PEX3: variants seen among roughly 807,000 people sequenced by gnomAD.
The protein encoded by PEX3 is peroxin-3.
A neutral mutation model predicts 55.8 loss-of-function variants in PEX3; 30 were observed. That is an observed-to-expected ratio of 0.54 (90% CI 0.40 to 0.73). The LOEUF is 0.73. Ranked by LOEUF, PEX3 falls within the 30% of genes least tolerant of loss-of-function variation. PEX3 has a pLI of 0.00. For missense variants in PEX3, 351 were observed against 432.8 expected, an observed-to-expected ratio of 0.81 and a Z score of 1.68; for synonymous variants, 135 against 148.4, an observed-to-expected ratio of 0.91 and a Z score of 0.66.
intron 10 of PEX3, among the ~76,000 whole-genome samples, chr6:143,484,312 C>T (rs1163741221): frequency 6.6e-6 from 1 of 151,956 alleles, no homozygotes; most frequent in African/African-American, 2.4e-5. Flanking sequence ...TAATGCTCAG[C>T]TTGGAATCTG....
chr6:143,451,195 G>A lies in PEX3; in HGVS notation c.73+80G>A, dbSNP rs970604716. On this transcript the variant is annotated intron_variant, in intron 1 of 11. Coordinates refer to ENST00000367591, the MANE Select transcript of PEX3 (RefSeq NM_003630.3). This position sits in a 1 kb window ranked among gnomAD's most constrained non-coding sequence, Gnocchi z 4.1. ...ACTTCTTCTAAAATAAGGACAGGCC[G>A]GGCGATCCTAGTCTGGGATATGTAG... The A allele has an allele frequency of 9.8e-7, 1 of 1,017,152 alleles. No homozygotes were observed. Among genetic ancestry groups the A allele is most frequent in the Non-Finnish European group, 1.6e-6 (1 of 640,310 alleles). The allele number at this position is 1,017,152 out of a possible 1,614,324, so 63.0% of individuals were successfully genotyped here.
intron 8 of PEX3, among the ~76,000 whole-genome samples, chr6:143,474,122 C>A (rs1233147137): frequency 1.3e-5 from 2 of 151,658 alleles, no homozygotes; most frequent in Non-Finnish European, 1.5e-5. Flanking sequence ...CAGAGTGAGA[C>A]CCTTTCTCAA....
chr6:143,469,486 G>A (rs1378665464), intron 4 of PEX3, among the ~76,000 whole-genome samples: 1 of 152,212 alleles, frequency 6.6e-6, no homozygotes, highest in African/African-American at 2.4e-5. Flanking sequence ...TTTGAGAAGT[G>A]TCTGTTCATA....
rs1006473339 is a variant in PEX3 at position 143,451,416 on chromosome 6, C to G, written c.73+301C>G. Reference sequence around the variant, plus strand: ...AGTTTCTGTTTCAAGGCACCATTCTCTTACAGGAACTTTTTAAAAAAAATT... The same window carrying G: ...AGTTTCTGTTTCAAGGCACCATTCTGTTACAGGAACTTTTTAAAAAAAATT... On this transcript the variant is annotated intron_variant, in intron 1 of 11. Transcript: ENST00000367591. This position sits in a 1 kb window ranked among gnomAD's most constrained non-coding sequence, Gnocchi z 4.1. 6.6e-6 allele frequency among the ~76,000 whole-genome samples: 1 copy of G among 152,146 alleles called. No homozygotes were observed. The highest frequency in any genetic ancestry group is 1.5e-5 in the Non-Finnish European group (1 of 68,026).
intron 8 of PEX3, among the ~76,000 whole-genome samples, chr6:143,473,956 A>G (rs957296370): frequency 2.5e-4 from 36 of 144,564 alleles, no homozygotes; most frequent in African/African-American, 7.5e-4. Flanking sequence ...ACAAGACCCT[A>G]CCCCTACAAA....
At chr6:143,478,622 G>A (rs905670157) in intron 9 of PEX3, among the ~76,000 whole-genome samples, 6 of 151,984 alleles carry the variant, frequency 3.9e-5, no homozygotes, top group Admixed American at 1.3e-4. Flanking sequence ...AAAAAACCCC[G>A]GTCTCATGTT....
intron 10 of PEX3, chr6:143,484,928 T>C: frequency 2.0e-6 from 1 of 507,546 alleles, no homozygotes; most frequent in Non-Finnish European, 3.6e-6. Context: ...AGGTTTTTGG[T>C]AGACACAAAA....
chr6:143,484,173 G>C (rs1010617044), intron 10 of PEX3, among the ~76,000 whole-genome samples: 7 of 152,058 alleles, frequency 4.6e-5, no homozygotes, highest in Non-Finnish European at 8.8e-5. Context: ...ACGCAAAAAT[G>C]AGTCTTGTTG....
rs757747422 is a variant in PEX3, at chr6:143,459,290, A to C, written c.205+74A>C. ...ATTAATTTGCATATCACCGGGATCA[A>C]ATTTAGAGGAAAAGGCAAAGAAAAG... On this transcript the variant is annotated intron_variant, in intron 2 of 11. Transcript: ENST00000367591. The surrounding 1 kb of genome is among the most constrained non-coding windows in gnomAD (Gnocchi z 4.2). The C allele has an allele frequency of 9.8e-5, 126 of 1,284,532 alleles. No individual in the cohort carries two copies. Among genetic ancestry groups the C allele is most frequent in the Non-Finnish European group, 1.4e-4 (125 of 883,008 alleles). The allele number at this position is 1,284,532 out of a possible 1,614,324, so 79.6% of individuals were successfully genotyped here. A position where few individuals can be genotyped will look rare whatever the true frequency, so the allele number is the denominator to read the frequency against.
chr6:143,454,112 A>G lies in PEX3; in HGVS notation c.73+2997A>G, dbSNP rs1424922. On this transcript the variant is annotated intron_variant, in intron 1 of 11. Coordinates refer to ENST00000367591, the MANE Select transcript of PEX3 (RefSeq NM_003630.3). The surrounding 1 kb of genome is among the most constrained non-coding windows in gnomAD (Gnocchi z 4.3). ...CATTTTCAAAAAATTAATGAGTGTC[A>G]TTGTTTTACATTTTGCAAATCTTTT... 0.32 allele frequency among the ~76,000 whole-genome samples: 47,894 copies of G among 152,008 alleles called. 8,593 individuals carry two copies. The highest frequency in any genetic ancestry group is 0.49 in the African/African-American group (20,424 of 41,424).
rs1780352987 is a variant in PEX3 at position 143,489,043 on chromosome 6, C to A, written c.1039-100C>A. On this transcript the variant is annotated intron_variant, in intron 11 of 11. Coordinates refer to ENST00000367591, the MANE Select transcript of PEX3 (RefSeq NM_003630.3). This position sits in a 1 kb window ranked among gnomAD's most constrained non-coding sequence, Gnocchi z 5.5. The stretch of plus-strand genomic sequence containing the variant: ...TAAATGGTTTGCCTCTTGGCCTTTA[C>A]CACAAAACTTAGAGCTGAATTCATC... 2 of 813,982 alleles carry A rather than the reference C, an allele frequency of 2.5e-6. No individual in the cohort carries two copies. Among genetic ancestry groups the A allele is most frequent in the South Asian group, 2.8e-5 (2 of 71,942 alleles). The allele number at this position is 813,982 out of a possible 1,614,324, so 50.4% of individuals were successfully genotyped here.
In PEX3 at chr6:143,486,159, T is replaced by G. The variant is rs1232590877; in HGVS notation, c.1038+911T>G. Among the ~76,000 whole-genome samples, 1 of 152,176 alleles carries G rather than the reference T, an allele frequency of 6.6e-6. No homozygotes were observed. Among genetic ancestry groups the G allele is most frequent in the Non-Finnish European group, 1.5e-5 (1 of 68,010 alleles). ...CACTGGACTCTTCAGTCTTCTGTCC[T>G]CTTTCTCACCCCTAAGAGCTTGGCA... On this transcript the variant is annotated intron_variant, in intron 11 of 11. Coordinates refer to ENST00000367591, the MANE Select transcript of PEX3 (RefSeq NM_003630.3). This position sits in a 1 kb window ranked among gnomAD's most constrained non-coding sequence, Gnocchi z 5.0.
chr6:143,460,864 C>CAAA (rs57329535), intron 2 of PEX3, among the ~76,000 whole-genome samples: 2 of 76,168 alleles, frequency 2.6e-5, no homozygotes, highest in African/African-American at 4.1e-5. Context: ...AACTCTGTCT[C>CAAA]AAAAAAAAAA....
chr6:143,469,155 T>C (rs1047333770), intron 4 of PEX3, among the ~76,000 whole-genome samples: 14 of 152,214 alleles, frequency 9.2e-5, no homozygotes, highest in African/African-American at 3.4e-4. Flanking sequence ...TGTGTCTTTA[T>C]AGCAGCATGA....
intron 8 of PEX3, among the ~76,000 whole-genome samples, chr6:143,474,231 C>T (rs377273670): frequency 2.6e-5 from 4 of 151,972 alleles, no homozygotes; most frequent in Non-Finnish European, 5.9e-5. Flanking sequence ...AGGCGGATCA[C>T]GAGGTCAGGA....
intron 2 of PEX3, among the ~76,000 whole-genome samples, chr6:143,461,710 G>A (rs991387970): frequency 3.3e-5 from 5 of 152,144 alleles, no homozygotes; most frequent in African/African-American, 1.2e-4. Flanking sequence ...ACTTTGGGAG[G>A]CAAAGGTGGG....
chr6:143,481,979 T>G (rs1303533523), intron 10 of PEX3, among the ~76,000 whole-genome samples: 3 of 151,410 alleles, frequency 2.0e-5, no homozygotes, highest in African/African-American at 7.3e-5. Context: ...TAAAAAAATA[T>G]ATAAAAAAAG....
rs2128746027 is a variant in PEX3, at chr6:143,465,068, A to G, written c.287+2071A>G. 6.6e-6 allele frequency among the ~76,000 whole-genome samples: 1 copy of G among 152,150 alleles called. No individual in the cohort carries two copies. Among genetic ancestry groups the G allele is most frequent in the African/African-American group, 2.4e-5 (1 of 41,570 alleles). On this transcript the variant is annotated intron_variant, in intron 3 of 11. Transcript: ENST00000367591. This position sits in a 1 kb window ranked among gnomAD's most constrained non-coding sequence, Gnocchi z 4.7. ...AACAAAAAAATCTTAAACATCCTCC[A>G]TCATAAGAGAAGTAGAACACTTCGA...
rs1002544879 is a variant in PEX3 at position 143,472,015 on chromosome 6, T to A, written c.579-145T>A. The stretch of plus-strand genomic sequence containing the variant: ...TAATGGCCCTTAACTAGTGGCTGAT[T>A]TCGTAATCCATTCTATTCCAGTCAG... On this transcript the variant is annotated intron_variant, in intron 7 of 11. Transcript: ENST00000367591. 29 of 677,544 alleles carry A rather than the reference T, an allele frequency of 4.3e-5. No individual in the cohort carries two copies. The African/African-American group carries it at 4.7e-4, about 11-fold the overall frequency. 42.0% of individuals were successfully genotyped at this position (677,544 alleles called of 1,614,324 possible).
Sources: gnomAD v4.1 joint callset for allele counts (sites outside exome capture counted in the v4.1 genomes callset) on GRCh38, gnomAD v4.1.1 for gene constraint, Gnocchi (gnomAD v3.1) non-coding constraint, MANE v1.5 for transcripts, NCBI Gene and HGNC (gene_info 2026-07-23, HGNC 2026-07-21) for gene names.